SERPINF1: variants seen among roughly 807,000 people sequenced by gnomAD.
The protein encoded by SERPINF1 is serpin family F member 1.
Under a neutral mutation model 37.3 loss-of-function variants are expected in SERPINF1, and 29 were observed. The observed-to-expected ratio is 0.78, with a 90% confidence interval of 0.58 to 1.06. SERPINF1 has a LOEUF of 1.06. Ranked by LOEUF, SERPINF1 falls within the 50% of genes least tolerant of loss-of-function variation. The pLI is 0.00. For synonymous variants in SERPINF1, 281 were observed against 227.9 expected (o/e 1.23, Z -2.10); for missense variants, 553 against 532.2 (o/e 1.04, Z -0.38).
At chr17:1,773,157 G>C (rs534672656) in intron 5 of SERPINF1, among the ~76,000 whole-genome samples, 1 of 152,266 alleles carries the variant, frequency 6.6e-6, no homozygotes, top group Admixed American at 6.5e-5. Flanking sequence ...TCTATAGAGT[G>C]AGAGACTTGT....
intron 2 of SERPINF1, among the ~76,000 whole-genome samples, chr17:1,768,631 G>T (rs372785784): frequency 6.6e-6 from 1 of 150,984 alleles, no homozygotes; most frequent in Admixed American, 6.6e-5. Context: ...GTTCCACCAC[G>T]CCCAGCTAAT....
At chr17:1,772,718 C>G (rs147328240) in intron 5 of SERPINF1, among the ~76,000 whole-genome samples, 1,519 of 151,262 alleles carry the variant, frequency 0.01, 26 homozygotes, top group African/African-American at 0.035. Context: ...GCCACTGCGC[C>G]CTACTAATTT....
intron 5 of SERPINF1, among the ~76,000 whole-genome samples, chr17:1,773,470 A>C (rs970955227): frequency 2.2e-4 from 33 of 150,130 alleles, no homozygotes; most frequent in African/African-American, 7.9e-4. Context: ...GTTCTCGAAA[A>C]CTCCTGACCT....
At chr17:1,773,245 G>GATTT in intron 5 of SERPINF1, among the ~76,000 whole-genome samples, 1 of 152,166 alleles carries the variant, frequency 6.6e-6, no homozygotes, top group African/African-American at 2.4e-5. Context: ...AGTCAGACAA[G>GATTT]ATTTATTTAT....
intron 1 of SERPINF1, chr17:1,766,140 T>C (rs560067957): frequency 5.3e-5 from 8 of 152,286 alleles, no homozygotes; most frequent in African/African-American, 1.9e-4. Context: ...CCCAAAGTCT[T>C]ATCACCGGAG....
chr17:1,770,979 T>G (rs780829104), intron 3 of SERPINF1, 50 bp from the exon 4 acceptor site: 23 of 1,612,268 alleles, frequency 1.4e-5, no homozygotes, highest in South Asian at 4.4e-5. Context: ...GGGGCTTGAT[T>G]TGGGGCCCTG....
rs774610400 is a variant in SERPINF1 at position 1,775,197 on chromosome 17, C to T, written c.783C>T (p.Cys261=). ...ATGGCTTGGATTCAGATCTCAGCTGCAAGGTCTGTAGGGATAGGGGCAGGG... is the reference window on the plus strand; with the variant it reads ...ATGGCTTGGATTCAGATCTCAGCTGTAAGGTCTGTAGGGATAGGGGCAGGG... ...LRYGLDSDLS[C]KIAQLPLTGS... Residue 261 remains cysteine, a synonymous_variant, in exon 6 of 8, where the codon TGC becomes TGT. Coordinates refer to ENST00000254722, the MANE Select transcript of SERPINF1 (RefSeq NM_002615.7). 4 of 1,587,422 alleles carry T rather than the reference C, an allele frequency of 2.5e-6. No individual in the cohort carries two copies. The Admixed American group carries it at 5.0e-5, about 20-fold the overall frequency.
intron 6 of SERPINF1, 85 bp downstream of exon 6, chr17:1,775,285 T>C: frequency 7.1e-7 from 1 of 1,408,534 alleles, no homozygotes; most frequent in Non-Finnish European, 9.8e-7. Flanking sequence ...AAAATGACCT[T>C]TGAGATCCGA....
intron 5 of SERPINF1, among the ~76,000 whole-genome samples, chr17:1,773,815 A>G (rs1365952725): frequency 6.6e-6 from 1 of 152,072 alleles, no homozygotes; most frequent in Non-Finnish European, 1.5e-5. Flanking sequence ...CCCTGTTCAG[A>G]TAAGGCCTTG....
At chr17:1,767,943 C>A (rs1019172048) in intron 2 of SERPINF1, among the ~76,000 whole-genome samples, 3 of 152,170 alleles carry the variant, frequency 2.0e-5, no homozygotes, top group African/African-American at 7.2e-5. Flanking sequence ...GTGGCTCACA[C>A]CTGTAATCCC....
Position 1,777,519 on chromosome 17 carries a change from G to A in SERPINF1, c.*73G>A. ...GCAGATTCCACAGGACACGAAGGCTGCCCCTGTAAGGTTTCAATGCATACA... is the reference window on the plus strand; with the variant it reads ...GCAGATTCCACAGGACACGAAGGCTACCCCTGTAAGGTTTCAATGCATACA... On this transcript the variant is annotated 3_prime_UTR_variant, in exon 8 of 8. Transcript: ENST00000254722. The A allele has an allele frequency of 1.3e-6, 2 of 1,591,922 alleles. No individual in the cohort carries two copies. Among genetic ancestry groups the A allele is most frequent in the South Asian group, 1.1e-5 (1 of 90,246 alleles).
chr17:1,762,637 C>G (rs1009837209), intron 1 of SERPINF1, among the ~76,000 whole-genome samples: 1 of 152,210 alleles, frequency 6.6e-6, no homozygotes, highest in Non-Finnish European at 1.5e-5. Flanking sequence ...ACCACCAAAC[C>G]GCTGGCCTCG....
chr17:1,777,527 A>G lies in SERPINF1; in HGVS notation c.*81A>G. ...CACAGGACACGAAGGCTGCCCCTGT[A>G]AGGTTTCAATGCATACAATAAAAGA... On this transcript the variant is annotated 3_prime_UTR_variant, in exon 8 of 8. Transcript: ENST00000254722. 1.3e-6 allele frequency: 2 copies of G among 1,573,902 alleles called. No individual in the cohort carries two copies. The highest frequency in any genetic ancestry group is 8.7e-7 in the Non-Finnish European group (1 of 1,145,898).
rs902098621 is a variant in SERPINF1 at position 1,769,880 on chromosome 17, C to A, written c.113C>A (p.Ala38Glu). 4.3e-6 allele frequency: 7 copies of A among 1,614,192 alleles called. No homozygotes were observed. The highest frequency in any genetic ancestry group is 5.9e-6 in the Non-Finnish European group (7 of 1,180,034). ...EGSPDPDSTG[A>E]LVEEEDPFFK... ...TCCCCAGACCCCGACAGCACAGGGG[C>A]GCTGGTGGAGGAGGAGGATCCTTTC... Residue 38 changes from alanine (A) to glutamate (E), a missense_variant, in exon 3 of 8, where the codon GCG (alanine) becomes GAG (glutamate). Ala to Glu is a moderately radical substitution (Grantham distance 107, BLOSUM62 -1). Transcript: ENST00000254722.
intron 1 of SERPINF1, chr17:1,766,466 GAA>G (rs1567752197): frequency 6.6e-6 from 1 of 152,128 alleles, no homozygotes; most frequent in Non-Finnish European, 1.5e-5. Context: ...TGAGGCGGGA[GAA>G]TCGCTTGAAC....
intron 5 of SERPINF1, among the ~76,000 whole-genome samples, chr17:1,773,693 G>A (rs550731262): frequency 1.7e-4 from 26 of 152,292 alleles, no homozygotes; most frequent in South Asian, 4.1e-4. Context: ...TTGTCTCCAA[G>A]TTTTCTAACA....
intron 5 of SERPINF1, among the ~76,000 whole-genome samples, chr17:1,772,797 C>G (rs1169167943): frequency 6.8e-6 from 1 of 146,138 alleles, no homozygotes; most frequent in Non-Finnish European, 1.5e-5. Flanking sequence ...CCACCCGCCT[C>G]AGCCTCCCAA....
Position 1,775,086 on chromosome 17 carries a change from A to G in SERPINF1, c.672A>G (p.Arg224=), listed in dbSNP as rs149930177. The change falls in exon 6 of 8, where the codon AGA becomes AGG. Residue 224 remains arginine (R), a synonymous_variant. Coordinates refer to ENST00000254722, the MANE Select transcript of SERPINF1 (RefSeq NM_002615.7). ...KGQWVTKFDS[R]KTSLEDFYLD... is the part of the protein sequence containing the mutation. Reference sequence around the variant, plus strand: ...AGTGGGTAACAAAGTTTGACTCCAGAAAGACTTCCCTCGAGGATTTCTACT... The same window carrying G: ...AGTGGGTAACAAAGTTTGACTCCAGGAAGACTTCCCTCGAGGATTTCTACT... The G allele has an allele frequency of 2.5e-5, 40 of 1,614,132 alleles. No homozygotes were observed. The African/African-American group carries it at 4.5e-4, about 18-fold the overall frequency.
At chr17:1,776,929 G>C (rs1162070672) in intron 7 of SERPINF1, among the ~76,000 whole-genome samples, 187 bp downstream of exon 7, 2 of 151,258 alleles carry the variant, frequency 1.3e-5, no homozygotes, top group African/African-American at 4.9e-5. Flanking sequence ...TCATTCCTCA[G>C]CCTCACGAGC....
Sources: gnomAD v4.1 joint callset for allele counts (sites outside exome capture counted in the v4.1 genomes callset) on GRCh38, gnomAD v4.1.1 for gene constraint, MANE v1.5 for transcripts, NCBI Gene and HGNC (gene_info 2026-07-23, HGNC 2026-07-21) for gene names.